NUP50: variants seen among roughly 807,000 people sequenced by gnomAD.
The protein encoded by NUP50 is nuclear pore complex protein Nup50.
In NUP50, 14 loss-of-function variants were observed where a neutral mutation model predicts 36.8. The ratio of observed to expected loss-of-function variants is 0.38; its 90% CI spans 0.25 to 0.59. The LOEUF is 0.59. Ranked by LOEUF, NUP50 falls within the 20% of genes least tolerant of loss-of-function variation. The probability of loss-of-function intolerance (pLI) is 0.63; values close to 1 mark genes in which losing one functional copy is unlikely to be tolerated. For synonymous variants in NUP50, 195 were observed against 210.8 expected (o/e 0.93, Z 0.65); for missense variants, 455 against 564.6 (o/e 0.81, Z 1.97).
rs919369770 is a variant in NUP50 at position 45,187,394 on chromosome 22, T to A, written c.*2739T>A. 1.3e-5 allele frequency: 2 copies of A among 149,106 alleles called. No individual in the cohort carries two copies. The highest frequency in any genetic ancestry group is 2.5e-5 in the African/African-American group (1 of 39,916). The allele number at this position is 149,106 out of a possible 1,614,324, so 9.2% of individuals were successfully genotyped here. On this transcript the variant is annotated 3_prime_UTR_variant, in exon 8 of 8. Coordinates refer to ENST00000347635, the MANE Select transcript of NUP50 (RefSeq NM_007172.4). ...TCTGTTTTACAATTTCAATTCTAGA[T>A]CACATTTTATATATGCTGCATGCCA... is the stretch of plus-strand genomic sequence containing the variant.
intron 2 of NUP50, among the ~76,000 whole-genome samples, chr22:45,169,338 C>G (rs1451678209): frequency 2.0e-5 from 3 of 152,076 alleles, no homozygotes; most frequent in African/African-American, 7.2e-5. Flanking sequence ...CCACTGCACT[C>G]CAGCCTGGGC....
chr22:45,171,531 G>A, intron 2 of NUP50, 69 bp from the exon 3 acceptor site: 1 of 1,371,780 alleles, frequency 7.3e-7, no homozygotes, highest in Non-Finnish European at 1.0e-6. Context: ...CTAGCTTGTT[G>A]TTGTTGTTGA....
chr22:45,174,418 C>G (rs1218117998), intron 3 of NUP50, among the ~76,000 whole-genome samples: 1 of 152,142 alleles, frequency 6.6e-6, no homozygotes, highest in Non-Finnish European at 1.5e-5. Context: ...CTCAAGTGAC[C>G]TGAATGTCTC....
chr22:45,170,811 G>A lies in NUP50; in HGVS notation c.70-789G>A, dbSNP rs376973486. Among the ~76,000 whole-genome samples the A allele has an allele frequency of 1.6e-4, 24 of 152,274 alleles. No individual in the cohort carries two copies. The East Asian group carries it at 2.9e-3, about 18-fold the overall frequency. ...TTCAGGAATGAAAGAACTCCCATTC[G>A]AACATATGCCAATGAAATGTGTGGA... On this transcript the variant is annotated intron_variant, in intron 2 of 7. Coordinates refer to ENST00000347635, the MANE Select transcript of NUP50 (RefSeq NM_007172.4).
At position 45,168,638 on chromosome 22, in the gene NUP50, G is replaced by A. The variant is rs542770956; in HGVS notation, c.69+392G>A. Among the ~76,000 whole-genome samples, 25 of 152,272 alleles carry A rather than the reference G, an allele frequency of 1.6e-4. No homozygotes were observed. In the South Asian group the frequency reaches 4.3e-3, roughly 26 times the overall value. ...AGTCATGAACTTAGCACACTGCCCA[G>A]ATGTGAAAGTGGTACACCATCACCA... On this transcript the variant is annotated intron_variant, in intron 2 of 7. Transcript: ENST00000347635.
chr22:45,175,729 C>T (rs989645974), intron 3 of NUP50, 165 bp from the exon 4 acceptor site: 3 of 578,518 alleles, frequency 5.2e-6, no homozygotes, highest in Admixed American at 6.4e-5. Flanking sequence ...TGAATACAAT[C>T]TTCCCATCTC....
rs2074443308 is a variant in NUP50, at chr22:45,184,744, C to T, written c.*89C>T. The T allele has an allele frequency of 1.1e-6, 1 of 947,990 alleles. No individual in the cohort carries two copies. The highest frequency in any genetic ancestry group is 2.4e-5 in the East Asian group (1 of 41,120). 58.7% of individuals were successfully genotyped at this position (947,990 alleles called of 1,614,324 possible). A position where few individuals can be genotyped will look rare whatever the true frequency, so the allele number is the denominator to read the frequency against. ...AGTCAGTTTTTCTTCTCTTCTTTGA[C>T]ATTCTAAGAACTTATAGATAACTTA... On this transcript the variant is annotated 3_prime_UTR_variant, in exon 8 of 8. Transcript: ENST00000347635.
chr22:45,177,603 G>T (rs1337301906), intron 4 of NUP50: 5 of 152,846 alleles, frequency 3.3e-5, no homozygotes, highest in African/African-American at 1.2e-4. Context: ...TAACAGTGCT[G>T]TTTGAAATAG....
At chr22:45,176,513 A>T (rs1023861094) in intron 4 of NUP50, among the ~76,000 whole-genome samples, 1 of 152,110 alleles carries the variant, frequency 6.6e-6, no homozygotes. Context: ...CTCCCACGCT[A>T]GGTTTGTTTG....
At chr22:45,183,098 G>C (rs1431924882) in intron 6 of NUP50, among the ~76,000 whole-genome samples, 67 of 126,682 alleles carry the variant, frequency 5.3e-4, no homozygotes, top group African/African-American at 1.7e-3. Context: ...GGGGGGGGGG[G>C]GGTTGGTGTT....
chr22:45,183,144 C>T (rs891582411), intron 6 of NUP50, among the ~76,000 whole-genome samples: 14 of 148,730 alleles, frequency 9.4e-5, no homozygotes, highest in Admixed American at 1.4e-4. Flanking sequence ...AACACAGTTT[C>T]AGAAAGTGTT....
intron 2 of NUP50, among the ~76,000 whole-genome samples, chr22:45,170,490 A>G (rs969705662): frequency 1.1e-4 from 16 of 152,166 alleles, no homozygotes; most frequent in African/African-American, 3.9e-4. Flanking sequence ...TAAAACTGCA[A>G]CTGTTTCCAA....
In NUP50 at chr22:45,184,568, C is replaced by T. The variant is rs2074438834; in HGVS notation, c.1320C>T (p.Thr440=). ...CACCAATTGACGAGAAGAATGCCAC[C>T]ATGCCAGTCACCATGTTGATTCGGG... is the stretch of plus-strand genomic sequence containing the variant. ...PNPPIDEKNA[T]MPVTMLIRVK... Residue 440 remains threonine, a synonymous_variant, in exon 8 of 8, where the codon ACC becomes ACT. Transcript: ENST00000347635. 1.2e-6 allele frequency: 2 copies of T among 1,611,824 alleles called. No homozygotes were observed. Among genetic ancestry groups the T allele is most frequent in the South Asian group, 1.1e-5 (1 of 91,020 alleles).
intron 4 of NUP50, 26 bp downstream of exon 4, chr22:45,176,106 C>T (rs2074273343): frequency 6.2e-7 from 1 of 1,609,154 alleles, no homozygotes. Context: ...CCCCCAGCCG[C>T]CTGTGTAAGT....
At chr22:45,181,468 T>A in intron 6 of NUP50, 101 bp downstream of exon 6, 1 of 644,228 alleles carries the variant, frequency 1.6e-6, no homozygotes, top group Non-Finnish European at 2.6e-6. Context: ...GCTTCCAGTC[T>A]CGGGGTCAAG....
intron 4 of NUP50, among the ~76,000 whole-genome samples, chr22:45,176,738 T>TTTG (rs372467830): frequency 5.3e-5 from 8 of 152,088 alleles, no homozygotes; most frequent in East Asian, 1.9e-4. Flanking sequence ...TCTGTTAAGT[T>TTTG]TTGTTGTTGT....
intron 5 of NUP50, 44 bp from the exon 6 acceptor site, chr22:45,181,242 C>T (rs775026653): frequency 1.6e-5 from 21 of 1,328,930 alleles, no homozygotes; most frequent in African/African-American, 3.1e-5. Context: ...CTTCTTTAAG[C>T]TCTGGATTGG....
At chr22:45,164,785 C>G (rs1223125955) in intron 1 of NUP50, 1 of 152,530 alleles carries the variant, frequency 6.6e-6, no homozygotes, top group Admixed American at 6.5e-5. Context: ...GCTGTCCTGG[C>G]GTGGTCTTCT....
intron 4 of NUP50, chr22:45,177,829 CA>C: frequency 5.9e-6 from 1 of 169,808 alleles, no homozygotes; most frequent in Non-Finnish European, 1.3e-5. Context: ...TGAGCGGTCA[CA>C]AAAATAGGGC....
Sources: allele counts gnomAD v4.1 joint callset (sites outside exome capture counted in the v4.1 genomes callset), GRCh38; gene constraint gnomAD v4.1.1; transcripts MANE v1.5; gene names NCBI Gene and HGNC (gene_info 2026-07-23, HGNC 2026-07-21).